Variants in MCPH1 observed in about 807,000 individuals in gnomAD.
The protein encoded by MCPH1 is microcephalin 1.
A neutral mutation model predicts 84.5 loss-of-function variants in MCPH1; 104 were observed. The observed-to-expected ratio is 1.23, with a 90% CI of 1.05 to 1.45. The LOEUF is 1.45. MCPH1 is among the 40% of genes most tolerant of loss of function. The pLI, the probability that MCPH1 is intolerant of heterozygous loss-of-function variation, is 0.00. For synonymous variants in MCPH1, 514 were observed against 366.8 expected (o/e 1.40, Z -4.58); for missense variants, 1,498 against 1,005.7 (o/e 1.49, Z -6.62).
intron 13 of MCPH1, among the ~76,000 whole-genome samples, chr8:6,634,607 A>T (rs914395899): frequency 1.3e-5 from 2 of 152,206 alleles, no homozygotes; most frequent in African/African-American, 4.8e-5. Flanking sequence ...GTCCATTATT[A>T]TGCTAACAAA....
At chr8:6,638,837 G>A (rs184059070) in intron 13 of MCPH1, among the ~76,000 whole-genome samples, 1 of 152,300 alleles carries the variant, frequency 6.6e-6, no homozygotes, top group African/African-American at 2.4e-5. Flanking sequence ...TTAGGAACGT[G>A]GGGCTGTGAG....
chr8:6,440,276 A>G (rs529669681), intron 6 of MCPH1, among the ~76,000 whole-genome samples: 3 of 152,226 alleles, frequency 2.0e-5, no homozygotes, highest in South Asian at 2.1e-4. Flanking sequence ...TTCTCTAGAC[A>G]TAAGTCTTTC....
chr8:6,565,889 C>T (rs986658713), intron 12 of MCPH1, among the ~76,000 whole-genome samples: 2 of 152,174 alleles, frequency 1.3e-5, no homozygotes, highest in East Asian at 1.9e-4. Context: ...CCTCAAGTTC[C>T]GAACATGGAA....
chr8:6,640,335 A>C (rs536396815), intron 13 of MCPH1, among the ~76,000 whole-genome samples: 2 of 152,084 alleles, frequency 1.3e-5, no homozygotes, highest in Non-Finnish European at 2.9e-5. Flanking sequence ...ATAAAGTCCT[A>C]TTTCCTATGT....
At chr8:6,424,824 G>A (rs979138035) in intron 3 of MCPH1, among the ~76,000 whole-genome samples, 12 of 152,136 alleles carry the variant, frequency 7.9e-5, no homozygotes, top group Non-Finnish European at 4.4e-5. Flanking sequence ...ACTTCTCTGA[G>A]TCTCCTGTGT....
At chr8:6,489,216 G>T (rs1344081861) in intron 11 of MCPH1, among the ~76,000 whole-genome samples, 2 of 152,140 alleles carry the variant, frequency 1.3e-5, no homozygotes, top group Admixed American at 1.3e-4. Context: ...ATTCACTCCA[G>T]CCATGGTACC....
At chr8:6,479,091 C>T (rs148104269) in intron 10 of MCPH1, among the ~76,000 whole-genome samples, 187 of 152,222 alleles carry the variant, frequency 1.2e-3, no homozygotes, top group African/African-American at 4.5e-3. Context: ...ATAGCAAAAC[C>T]TTGTGTCTAC....
At chr8:6,549,946 C>G (rs1823320621) in intron 12 of MCPH1, among the ~76,000 whole-genome samples, 1 of 152,238 alleles carries the variant, frequency 6.6e-6, no homozygotes, top group Non-Finnish European at 1.5e-5. Context: ...TCTGAGCTAG[C>G]TATAGCCATG....
intron 12 of MCPH1, among the ~76,000 whole-genome samples, chr8:6,576,420 ATGAACTCGT>A (rs1462956663): frequency 6.6e-6 from 1 of 152,112 alleles, no homozygotes; most frequent in Non-Finnish European, 1.5e-5. Context: ...CCTCGCTAAA[ATGAACTCGT>A]TGAAGTATGA....
intron 13 of MCPH1, chr8:6,625,852 T>C: frequency 1.0e-6 from 1 of 985,470 alleles, no homozygotes; most frequent in Non-Finnish European, 1.2e-6. Context: ...CAGTCTTGTT[T>C]TGCAGATGTC....
In MCPH1 at chr8:6,499,761, A is replaced by G. The variant is rs1269691283; in HGVS notation, c.2137-91A>G. The G allele has an allele frequency of 3.7e-6, 4 of 1,090,678 alleles. No homozygotes were observed. The East Asian group carries it at 9.4e-5, about 26-fold the overall frequency. 67.6% of individuals were successfully genotyped at this position (1,090,678 alleles called of 1,614,324 possible). On this transcript the variant is annotated intron_variant, in intron 11 of 13. Coordinates refer to ENST00000344683, the MANE Select transcript of MCPH1 (RefSeq NM_024596.5). ...CTATTTCAGATCTGCGGAGTGTATC[A>G]CTTTTTGCTGTGTCTTCAAAGTGAT...
chr8:6,438,866 G>T, intron 5 of MCPH1, 87 bp from the exon 6 acceptor site: 5 of 1,234,840 alleles, frequency 4.0e-6, no homozygotes, highest in South Asian at 1.2e-5. Context: ...AAAACGGGGT[G>T]TGGGGGGTTG....
chr8:6,414,945 A>G, intron 3 of MCPH1, 62 bp downstream of exon 3: 21 of 1,560,240 alleles, frequency 1.3e-5, no homozygotes, highest in East Asian at 2.3e-5. Flanking sequence ...GTGTGGAGAT[A>G]TTTTTCACAG....
chr8:6,566,982 C>T lies in MCPH1; in HGVS notation c.2215-54472C>T, dbSNP rs111975200. On this transcript the variant is annotated intron_variant, in intron 12 of 13. Coordinates refer to ENST00000344683, the MANE Select transcript of MCPH1 (RefSeq NM_024596.5). ...AAGGCCATGGATAGTACACGCGGTG[C>T]GGTGACGGTGTGTGATCGGCAAGGC... is the stretch of plus-strand genomic sequence containing the variant. 3.9e-5 allele frequency among the ~76,000 whole-genome samples: 5 copies of T among 128,774 alleles called. 1 individual carries two copies. The highest frequency in any genetic ancestry group is 6.4e-5 in the Non-Finnish European group (4 of 62,090). The allele number at this position is 128,774 out of a possible 152,430, so 84.5% of individuals were successfully genotyped here.
chr8:6,407,055 T>G (rs1473719493), intron 1 of MCPH1: 129 of 319,748 alleles, frequency 4.0e-4, no homozygotes, highest in African/African-American at 3.2e-3. Context: ...ATGCTGCCTG[T>G]CCCCCAAATC....
intron 6 of MCPH1, among the ~76,000 whole-genome samples, chr8:6,439,633 G>T (rs1464474509): frequency 6.6e-6 from 1 of 151,926 alleles, no homozygotes; most frequent in African/African-American, 2.4e-5. Context: ...TTAACCTCAG[G>T]TGATACACCC....
chr8:6,568,470 G>GC (rs1554458837), intron 12 of MCPH1, among the ~76,000 whole-genome samples: 7 of 152,274 alleles, frequency 4.6e-5, no homozygotes, highest in African/African-American at 1.4e-4. Context: ...TTGCTTGTGG[G>GC]CCCCGTGACC....
chr8:6,532,574 T>TGAAAACAAAAACAAAAAAAAAAA (rs1819725571), intron 12 of MCPH1: 1 of 538,224 alleles, frequency 1.9e-6, no homozygotes. Context: ...TCCCTATCTT[T>TGAAAACAAAAACAAAAAAAAAAA]AAAAAAAAAA....
intron 12 of MCPH1, among the ~76,000 whole-genome samples, chr8:6,561,877 A>C (rs776703072): frequency 5.9e-5 from 9 of 152,226 alleles, no homozygotes; most frequent in Non-Finnish European, 1.3e-4. Flanking sequence ...ATCATCTGTG[A>C]AACAGTGGAA....
Sources: allele counts gnomAD v4.1 joint callset (sites outside exome capture counted in the v4.1 genomes callset), GRCh38; gene constraint gnomAD v4.1.1; transcripts MANE v1.5; gene names NCBI Gene and HGNC (gene_info 2026-07-23, HGNC 2026-07-21).